RELL1: variants seen among roughly 807,000 people sequenced by gnomAD.
The protein encoded by RELL1 is RELT like 1, also known as RELT-like protein 1.
A neutral mutation model predicts 23.0 loss-of-function variants in RELL1; 10 were observed. The ratio of observed to expected loss-of-function variants is 0.43; its 90% CI spans 0.27 to 0.74. RELL1 has a LOEUF of 0.74. Ranked by LOEUF, RELL1 falls within the 30% of genes least tolerant of loss-of-function variation. The probability of loss-of-function intolerance (pLI) is 0.19; values close to 1 mark genes in which losing one functional copy is unlikely to be tolerated. For synonymous variants in RELL1, 146 were observed against 146.8 expected, an observed-to-expected ratio of 0.99 and a Z score of 0.04; for missense variants, 315 against 364.4, an observed-to-expected ratio of 0.86 and a Z score of 1.10.
chr4:37,681,634 T>G (rs1340560928), intron 1 of RELL1, among the ~76,000 whole-genome samples: 1 of 151,676 alleles, frequency 6.6e-6, no homozygotes, highest in Non-Finnish European at 1.5e-5. Flanking sequence ...GTTCGAGTGA[T>G]TCTCCTGCCT....
downstream of RELL1, chr4:37,588,851 A>C: frequency 6.2e-7 from 1 of 1,610,556 alleles, no homozygotes; most frequent in Non-Finnish European, 8.5e-7. Flanking sequence ...TCCAGGTGGT[A>C]ACAGAAAACA....
At chr4:37,600,548 G>A (rs1044906564) in intron 6 of RELL1, among the ~76,000 whole-genome samples, 1 of 152,086 alleles carries the variant, frequency 6.6e-6, no homozygotes, top group Admixed American at 6.6e-5. Flanking sequence ...TTTAACAATT[G>A]TAGAACACAC....
chr4:37,640,707 A>T (rs1720498807), intron 3 of RELL1, among the ~76,000 whole-genome samples: 1 of 152,142 alleles, frequency 6.6e-6, no homozygotes, highest in African/African-American at 2.4e-5. Context: ...AATAATGACA[A>T]GAAAAAAGTC....
intron 5 of RELL1, among the ~76,000 whole-genome samples, chr4:37,632,853 C>G (rs1016901272): frequency 1.3e-5 from 2 of 152,172 alleles, no homozygotes; most frequent in African/African-American, 4.8e-5. Flanking sequence ...TCTTTCATAA[C>G]AGCTTCTTTC....
rs369698316 is a variant in RELL1 at position 37,645,298 on chromosome 4, GC to G, written c.385+2069del. 7.9e-3 allele frequency among the ~76,000 whole-genome samples: 1,206 copies of G among 152,278 alleles called. 26 individuals are homozygous for G. The highest frequency in any genetic ancestry group is 0.028 in the African/African-American group (1,152 of 41,546). On this transcript the variant is annotated intron_variant, in intron 3 of 6. Transcript: ENST00000454158. ...ATGTGAAAGGCACAGAGGCAGTGAG[GC>G]GGTCATCCATGCCTTACACTGCACA...
At chr4:37,636,114 G>A (rs1720319909) in intron 4 of RELL1, among the ~76,000 whole-genome samples, 1 of 152,178 alleles carries the variant, frequency 6.6e-6, no homozygotes, top group African/African-American at 2.4e-5. Flanking sequence ...TATTGAGGCA[G>A]GGAGAAGTGA....
chr4:37,595,500 C>G (rs918416276), intron 6 of RELL1, among the ~76,000 whole-genome samples: 33 of 152,226 alleles, frequency 2.2e-4, no homozygotes, highest in African/African-American at 7.2e-4. Context: ...TAAAAGAAGT[C>G]TGGAGTTAGT....
In RELL1 at chr4:37,635,027, C is replaced by A. The variant is rs1188558419; in HGVS notation, c.540G>T (p.Leu180=). Residue 180 remains leucine (L), a synonymous_variant, in exon 5 of 7, where the codon CTG becomes CTT. Transcript: ENST00000454158. The part of the protein sequence containing the change: ...TPGKHVCGHH[L]HTVGGVVERD... ...TCTCGACAACACCGCCCACCGTATGCAGATGATGGCCACAGACGTGCTTCC... is the reference window on the plus strand; with the variant it reads ...TCTCGACAACACCGCCCACCGTATGAAGATGATGGCCACAGACGTGCTTCC... 6.2e-7 allele frequency: 1 copy of A among 1,614,252 alleles called. No homozygotes were observed.
At position 37,656,164 on chromosome 4, in the gene RELL1, T is replaced by C. The variant is rs10003342; in HGVS notation, c.89-6664A>G. On this transcript the variant is annotated intron_variant, in intron 1 of 6. Coordinates refer to ENST00000454158, the MANE Select transcript of RELL1 (RefSeq NM_001085400.2). ...CGTGGCATATGAAAATGGAATATTA[T>C]TCAGCTTTATAAAGAAGAAAATCCT... Among the ~76,000 whole-genome samples, 1,029 of 152,330 alleles carry C rather than the reference T, an allele frequency of 6.8e-3. 11 individuals carry two copies. The highest frequency in any genetic ancestry group is 0.023 in the African/African-American group (963 of 41,568).
chr4:37,640,145 T>C (rs768288464), intron 3 of RELL1, among the ~76,000 whole-genome samples: 2 of 152,242 alleles, frequency 1.3e-5, no homozygotes, highest in Non-Finnish European at 2.9e-5. Flanking sequence ...TGAGAACATA[T>C]GGGTTTTTGC....
intron 6 of RELL1, among the ~76,000 whole-genome samples, chr4:37,621,047 A>G (rs1719744462): frequency 6.6e-6 from 1 of 152,242 alleles, no homozygotes; most frequent in African/African-American, 2.4e-5. Flanking sequence ...GTCTGATTCC[A>G]GAACCTCTAT....
At chr4:37,638,358 G>A (rs570791285) in intron 4 of RELL1, 89 bp downstream of exon 4, 205 of 1,034,948 alleles carry the variant, frequency 2.0e-4, no homozygotes, top group Non-Finnish European at 2.9e-4. Flanking sequence ...TGGGAAACCT[G>A]CTCTAGCAGA....
chr4:37,624,469 GAGTGC>G (rs1398222807), intron 6 of RELL1, among the ~76,000 whole-genome samples: 1 of 146,654 alleles, frequency 6.8e-6, no homozygotes, highest in East Asian at 2.0e-4. Flanking sequence ...GCCCAGGCTG[GAGTGC>G]AGTGCAGTGT....
At chr4:37,593,946 C>T (rs1718737270) in intron 6 of RELL1, among the ~76,000 whole-genome samples, 2 of 152,176 alleles carry the variant, frequency 1.3e-5, no homozygotes, top group Non-Finnish European at 2.9e-5. Context: ...GGTATCAGGG[C>T]AGACAAGTCT....
At chr4:37,636,919 G>A (rs1720351696) in intron 4 of RELL1, among the ~76,000 whole-genome samples, 1 of 152,192 alleles carries the variant, frequency 6.6e-6, no homozygotes, top group Admixed American at 6.5e-5. Context: ...AAACATGACT[G>A]AGCCAAAAGT....
intron 1 of RELL1, 37 bp downstream of exon 1, chr4:37,686,163 T>C: frequency 1.3e-6 from 2 of 1,528,754 alleles, no homozygotes; most frequent in Non-Finnish European, 1.8e-6. Flanking sequence ...GGGACCGGGC[T>C]CAGCACCCGG....
At chr4:37,672,587 T>A (rs937733456) in intron 1 of RELL1, among the ~76,000 whole-genome samples, 4 of 152,168 alleles carry the variant, frequency 2.6e-5, no homozygotes, top group African/African-American at 4.8e-5. Context: ...GAATTCTCTT[T>A]CCCTCCTTCA....
intron 3 of RELL1, 149 bp downstream of exon 3, chr4:37,647,219 T>A: frequency 1.7e-6 from 1 of 578,544 alleles, no homozygotes; most frequent in Non-Finnish European, 3.1e-6. Context: ...CATGTGAAAC[T>A]TGCGTAGCTG....
At chr4:37,673,191 T>C (rs890418056) in intron 1 of RELL1, among the ~76,000 whole-genome samples, 4 of 105,928 alleles carry the variant, frequency 3.8e-5, no homozygotes, top group South Asian at 3.4e-4. Context: ...TTTTTCTTTT[T>C]TTTTTTTTTT....
Sources: gnomAD v4.1 joint callset for allele counts (sites outside exome capture counted in the v4.1 genomes callset) on GRCh38, gnomAD v4.1.1 for gene constraint, MANE v1.5 for transcripts, NCBI Gene and HGNC (gene_info 2026-07-23, HGNC 2026-07-21) for gene names.